The following TMEM178B variants were observed in gnomAD, a reference collection of about 807,000 sequenced individuals.
TMEM178B encodes transmembrane protein 178B.
In TMEM178B, 5 loss-of-function variants were observed where a neutral mutation model predicts 31.0. The observed-to-expected ratio is 0.16, with a 90% CI of 0.08 to 0.34. The LOEUF (loss-of-function observed/expected upper bound fraction) is 0.34. TMEM178B is among the 10% of genes least tolerant of loss of function. TMEM178B has a pLI of 1.00. For missense variants in TMEM178B, 275 were observed against 400.3 expected, an observed-to-expected ratio of 0.69 and a Z score of 2.67; for synonymous variants, 164 against 164.0, an observed-to-expected ratio of 1.00 and a Z score of 0.00.
At chr7:141,297,341 G>A (rs1466928415) in intron 2 of TMEM178B, among the ~76,000 whole-genome samples, 1 of 152,090 alleles carries the variant, frequency 6.6e-6, no homozygotes, top group Non-Finnish European at 1.5e-5. Flanking sequence ...TCTCTTTCTG[G>A]TGCTTCTTTT....
At chr7:141,504,233 A>G in the TMEM178B span, among the ~76,000 whole-genome samples, 1 of 151,216 alleles carries the variant, frequency 6.6e-6, no homozygotes, top group African/African-American at 2.4e-5. Context: ...AGATTTTTAA[A>G]CCCCAAGCTT....
chr7:141,387,632 T>A (rs931848238), intron 2 of TMEM178B, among the ~76,000 whole-genome samples: 3 of 152,178 alleles, frequency 2.0e-5, no homozygotes, highest in Non-Finnish European at 2.9e-5. Flanking sequence ...TTTAGCAGAC[T>A]CCTTTTAATA....
chr7:141,285,460 T>C (rs1314340500), intron 2 of TMEM178B, among the ~76,000 whole-genome samples: 1 of 151,906 alleles, frequency 6.6e-6, no homozygotes, highest in African/African-American at 2.4e-5. Flanking sequence ...GCCTGGCCAA[T>C]TCAGGGTTCC....
At position 141,074,339 on chromosome 7, in the gene TMEM178B, C is replaced by G. The variant is rs1377760032; in HGVS notation, c.29C>G (p.Thr10Ser). Residue 10 changes from threonine (T) to serine (S), a missense_variant, in exon 1 of 4, where the codon ACT (threonine) becomes AGT (serine). By Grantham distance (58) the Thr-to-Ser change is moderately conservative. Transcript: ENST00000565468. The surrounding 1 kb of genome is among the most constrained non-coding windows in gnomAD (Gnocchi z 5.1). ...GCTGCCGGAAGGTTACTGCTCTACA[C>G]TGGCCTCTCGCTAGCGCTCTGCGCC... Reference protein sequence around the residue: MAAGRLLLYTGLSLALCALG... With the variant: MAAGRLLLYSGLSLALCALG... The G allele has an allele frequency of 6.5e-7, 1 of 1,535,800 alleles. No homozygotes were observed. Among genetic ancestry groups the G allele is most frequent in the South Asian group, 1.2e-5 (1 of 84,016 alleles).
At position 141,344,925 on chromosome 7, in the gene TMEM178B, C is replaced by A. The variant is rs1031194185; in HGVS notation, c.497-92683C>A. On this transcript the variant is annotated intron_variant, in intron 2 of 3. Coordinates refer to ENST00000565468, the MANE Select transcript of TMEM178B (RefSeq NM_001195278.2). The surrounding 1 kb of genome is among the most constrained non-coding windows in gnomAD (Gnocchi z 4.1). ...GTGACAGAAATGAACAGGACCACAT[C>A]TCTGATGCTACCCATTATTTAATTA... is the stretch of plus-strand genomic sequence containing the variant. Among the ~76,000 whole-genome samples the A allele has an allele frequency of 6.6e-6, 1 of 152,144 alleles. No homozygotes were observed. The highest frequency in any genetic ancestry group is 1.5e-5 in the Non-Finnish European group (1 of 68,038).
At chr7:141,080,836 A>G (rs562191627) in intron 1 of TMEM178B, among the ~76,000 whole-genome samples, 53 of 152,242 alleles carry the variant, frequency 3.5e-4, no homozygotes, top group Non-Finnish European at 7.1e-4. Context: ...AAAAATTCTT[A>G]TGGCCTAGTG....
chr7:141,286,839 G>A (rs1418408756), intron 2 of TMEM178B, among the ~76,000 whole-genome samples: 2 of 152,140 alleles, frequency 1.3e-5, no homozygotes, highest in Non-Finnish European at 2.9e-5. Flanking sequence ...AGAGACTGAG[G>A]ATACTTTTAC....
intron 1 of TMEM178B, among the ~76,000 whole-genome samples, chr7:141,122,110 G>A (rs897466032): frequency 6.6e-6 from 1 of 151,948 alleles, no homozygotes; most frequent in African/African-American, 2.4e-5. Context: ...AAATGAAAAT[G>A]GCCTGAATAT....
intron 1 of TMEM178B, among the ~76,000 whole-genome samples, chr7:141,093,582 A>G (rs1223742122): frequency 6.6e-6 from 1 of 152,220 alleles, no homozygotes; most frequent in East Asian, 1.9e-4. Context: ...GATCACCTAG[A>G]GAGGGATTGA....
chr7:141,195,128 TTTCCCC>T (rs1342303489), intron 1 of TMEM178B, among the ~76,000 whole-genome samples: 14 of 152,240 alleles, frequency 9.2e-5, no homozygotes, highest in African/African-American at 3.4e-4. Context: ...CTGGAGACAT[TTTCCCC>T]ATGGTCTTGT....
At chr7:141,409,581 ATCCTT>A (rs1411648982) in intron 2 of TMEM178B, among the ~76,000 whole-genome samples, 1 of 152,096 alleles carries the variant, frequency 6.6e-6, no homozygotes, top group Admixed American at 6.6e-5. Context: ...TTTAGTTGGC[ATCCTT>A]TCCTTTCCTG....
intron 3 of TMEM178B, among the ~76,000 whole-genome samples, chr7:141,455,216 T>C (rs991077704): frequency 1.3e-5 from 2 of 152,194 alleles, no homozygotes; most frequent in Non-Finnish European, 2.9e-5. Flanking sequence ...GAGTCACCCT[T>C]CTACCTGACA....
At chr7:141,432,180 G>A (rs1187379215) in intron 2 of TMEM178B, among the ~76,000 whole-genome samples, 9 of 88,130 alleles carry the variant, frequency 1.0e-4, no homozygotes, top group Middle Eastern at 7.2e-3. Flanking sequence ...TTTTTGAGAC[G>A]GAGTCTCACT....
chr7:141,447,961 A>G (rs1801791926), intron 3 of TMEM178B, among the ~76,000 whole-genome samples: 1 of 151,928 alleles, frequency 6.6e-6, no homozygotes, highest in Non-Finnish European at 1.5e-5. Flanking sequence ...CCACGCTTAA[A>G]TGCCCTGAGC....
intron 2 of TMEM178B, among the ~76,000 whole-genome samples, chr7:141,376,199 T>C (rs888378346): frequency 5.3e-5 from 8 of 152,220 alleles, no homozygotes; most frequent in Admixed American, 2.0e-4. Flanking sequence ...GAGGGAATGT[T>C]CTACTTTACA....
intron 1 of TMEM178B, among the ~76,000 whole-genome samples, chr7:141,113,733 A>C (rs1272241302): frequency 6.6e-6 from 1 of 152,180 alleles, no homozygotes; most frequent in Non-Finnish European, 1.5e-5. Flanking sequence ...GCACATCATT[A>C]CATGCCAGCA....
chr7:141,367,337 C>T (rs573602485), intron 2 of TMEM178B, among the ~76,000 whole-genome samples: 6 of 151,904 alleles, frequency 3.9e-5, no homozygotes, highest in Non-Finnish European at 8.8e-5. Flanking sequence ...GACATGATCT[C>T]GATTCACTGT....
chr7:141,079,352 G>A (rs1271106944), intron 1 of TMEM178B, among the ~76,000 whole-genome samples: 1 of 152,174 alleles, frequency 6.6e-6, no homozygotes, highest in East Asian at 1.9e-4. Context: ...TTCAGTAGCC[G>A]TATGTGCCTA....
chr7:141,269,551 G>A (rs530624186), intron 2 of TMEM178B, among the ~76,000 whole-genome samples: 2 of 152,272 alleles, frequency 1.3e-5, no homozygotes, highest in Non-Finnish European at 2.9e-5. Context: ...AGTATCTTGA[G>A]CTTGATGGAG....
Sources: gnomAD v4.1 joint callset for allele counts (sites outside exome capture counted in the v4.1 genomes callset) on GRCh38, gnomAD v4.1.1 for gene constraint, Gnocchi (gnomAD v3.1) non-coding constraint, MANE v1.5 for transcripts, NCBI Gene and HGNC (gene_info 2026-07-23, HGNC 2026-07-21) for gene names.